Variants in KANK1 observed in about 807,000 individuals in gnomAD.
KANK1 encodes the protein KN motif and ankyrin repeat domain-containing protein 1.
Under a neutral mutation model 106.2 loss-of-function variants are expected in KANK1, and 109 were observed. The observed-to-expected ratio is 1.03, with a 90% CI of 0.88 to 1.20. The LOEUF (loss-of-function observed/expected upper bound fraction) is 1.20. Among genes scored for constraint, KANK1 ranks in the 50% most tolerant of loss-of-function variants. The pLI is 0.00. For missense variants in KANK1, 2,399 were observed against 1,710.7 expected (o/e 1.40, Z -7.10); for synonymous variants, 873 against 652.2 (o/e 1.34, Z -5.16).
intron 1 of KANK1, among the ~76,000 whole-genome samples, chr9:629,369 A>T (rs1010447966): frequency 6.6e-6 from 1 of 152,182 alleles, no homozygotes; most frequent in African/African-American, 2.4e-5. Flanking sequence ...CCACAGTGGC[A>T]GCTGCCTAAC....
At chr9:723,478 G>T (rs1342254840) in intron 3 of KANK1, among the ~76,000 whole-genome samples, 1 of 150,662 alleles carries the variant, frequency 6.6e-6, no homozygotes, top group Non-Finnish European at 1.5e-5. Context: ...TTTTCGTGGG[G>T]CATGATCACA....
At chr9:635,364 C>G (rs1331865590) in intron 1 of KANK1, among the ~76,000 whole-genome samples, 2 of 152,206 alleles carry the variant, frequency 1.3e-5, no homozygotes, top group African/African-American at 4.8e-5. Context: ...GGTCATATCT[C>G]TCTAGCTGGA....
At chr9:487,871 C>T (rs1220954318) in intron 3 of KANK1, 1 of 152,132 alleles carries the variant, frequency 6.6e-6, no homozygotes, top group African/African-American at 2.4e-5. Context: ...AGCCTGGTAC[C>T]CCTAAGAGTC....
chr9:742,731 C>T (rs1835996503), intron 10 of KANK1, among the ~76,000 whole-genome samples: 1 of 152,206 alleles, frequency 6.6e-6, no homozygotes, highest in Non-Finnish European at 1.5e-5. Flanking sequence ...GAATCAAATT[C>T]AGTGTAGGTG....
At position 512,344 on chromosome 9, in the gene KANK1, A is replaced by G. The variant is rs534324035; in HGVS notation, c.-84+7590A>G. On this transcript the variant is annotated intron_variant, in intron 1 of 11. Transcript: ENST00000382297. ...CCTAAATACTGCATTGTGGGCCAAC[A>G]GATGGAGACAAGGAGAGTCTAGAAG... Among the ~76,000 whole-genome samples the G allele has an allele frequency of 7.2e-5, 11 of 152,204 alleles. No individual in the cohort carries two copies. In the East Asian group the frequency reaches 1.9e-3, roughly 27 times the overall value.
rs372807672 is a variant in KANK1 at position 491,377 on chromosome 9, C to T, written c.-362+18104C>T. Among the ~76,000 whole-genome samples, 412 of 152,030 alleles carry T rather than the reference C, an allele frequency of 2.7e-3. 30 individuals are homozygous for T. The South Asian group carries it at 0.084, about 31-fold the overall frequency. On this transcript the variant is annotated intron_variant, in intron 3 of 15. Transcript: ENST00000382303. ...CCGCCTCCCGGGTTCAAGCAATTCT[C>T]CTGCCTCAGCCTCCTGAGTAGCTGG...
chr9:643,549 T>C (rs2137240393), intron 1 of KANK1, among the ~76,000 whole-genome samples: 1 of 144,084 alleles, frequency 6.9e-6, no homozygotes, highest in South Asian at 2.2e-4. Flanking sequence ...TTTGATTTTT[T>C]TTTTTTTTTT....
At chr9:543,630 A>G (rs1002405830) in intron 1 of KANK1, among the ~76,000 whole-genome samples, 9 of 151,994 alleles carry the variant, frequency 5.9e-5, no homozygotes, top group South Asian at 4.1e-4. Context: ...TTGTCCTTCT[A>G]CGGAAGTCAG....
chr9:567,680 C>CT (rs1184767568), intron 1 of KANK1, among the ~76,000 whole-genome samples: 1 of 152,352 alleles, frequency 6.6e-6, no homozygotes, highest in Non-Finnish European at 1.5e-5. Context: ...GAAACCAAGT[C>CT]ATCCATGAGA....
rs1335965834 is a variant in KANK1, at chr9:562,708, A to T, written c.-84+57954A>T. 3.9e-5 allele frequency among the ~76,000 whole-genome samples: 6 copies of T among 152,336 alleles called. No homozygotes were observed. The South Asian group carries it at 1.2e-3, about 32-fold the overall frequency. On this transcript the variant is annotated intron_variant, in intron 1 of 11. Coordinates refer to ENST00000382297, the MANE Select transcript of KANK1 (RefSeq NM_015158.5). Reference sequence around the variant, plus strand: ...CTTTCTAACCTGTAAAATGCTTTACAAATATTAGTTGTCAAGTTAGACAAC... The same window carrying T: ...CTTTCTAACCTGTAAAATGCTTTACTAATATTAGTTGTCAAGTTAGACAAC...
At chr9:577,986 C>T (rs756081010) in intron 1 of KANK1, among the ~76,000 whole-genome samples, 2 of 152,146 alleles carry the variant, frequency 1.3e-5, no homozygotes, top group Non-Finnish European at 2.9e-5. Context: ...ATCATTCCCT[C>T]ACTCAGAGCC....
At chr9:682,048 T>C (rs1169437587) in intron 2 of KANK1, among the ~76,000 whole-genome samples, 1 of 152,040 alleles carries the variant, frequency 6.6e-6, no homozygotes, top group Non-Finnish European at 1.5e-5. Flanking sequence ...GGGAGGCCGA[T>C]GCAGGTGGAT....
rs780294083 is a variant in KANK1, at chr9:740,971, C to T, written c.3696+37C>T. The T allele has an allele frequency of 1.7e-5, 27 of 1,610,182 alleles. No homozygotes were observed. The South Asian group carries it at 2.2e-4, about 13-fold the overall frequency. ...TGGTTCCTGTGCTCAGGAATGCACC[C>T]GTAACCAGCAGACAGGACTGCGGTG... On this transcript the variant is annotated intron_variant, in intron 9 of 11. Coordinates refer to ENST00000382297, the MANE Select transcript of KANK1 (RefSeq NM_015158.5).
chr9:614,678 C>CGT (rs1831380363), intron 1 of KANK1, among the ~76,000 whole-genome samples: 1 of 152,128 alleles, frequency 6.6e-6, no homozygotes, highest in South Asian at 2.1e-4. Flanking sequence ...CATGCATTTC[C>CGT]GTGTGCCTCC....
At chr9:562,373 A>G (rs1194310607) in intron 1 of KANK1, among the ~76,000 whole-genome samples, 1 of 152,142 alleles carries the variant, frequency 6.6e-6, no homozygotes, top group East Asian at 1.9e-4. Context: ...CATTTTCTAC[A>G]CCCTGCCAGA....
intron 2 of KANK1, among the ~76,000 whole-genome samples, chr9:702,881 T>A (rs1823034264): frequency 6.6e-6 from 1 of 152,214 alleles, no homozygotes; most frequent in Non-Finnish European, 1.5e-5. Context: ...TCTGGTCATT[T>A]ACCTTGTCTT....
At chr9:556,788 T>G (rs1162087874) in intron 1 of KANK1, among the ~76,000 whole-genome samples, 3 of 152,196 alleles carry the variant, frequency 2.0e-5, no homozygotes, top group African/African-American at 7.2e-5. Context: ...GACCTCCAAT[T>G]TAATTCTTTT....
intron 9 of KANK1, among the ~76,000 whole-genome samples, chr9:741,824 G>T (rs1461333491): frequency 6.6e-6 from 1 of 151,660 alleles, no homozygotes; most frequent in East Asian, 1.9e-4. Context: ...TTTCAGTGTT[G>T]CCCAAGCTGC....
intron 1 of KANK1, among the ~76,000 whole-genome samples, chr9:511,382 T>C (rs2059021537): frequency 6.6e-6 from 1 of 152,202 alleles, no homozygotes; most frequent in Admixed American, 6.5e-5. Context: ...TCTGTGGAAA[T>C]ATTGTAGGTG....
Sources: allele counts gnomAD v4.1 joint callset (sites outside exome capture counted in the v4.1 genomes callset), GRCh38; gene constraint gnomAD v4.1.1; transcripts MANE v1.5; gene names NCBI Gene and HGNC (gene_info 2026-07-23, HGNC 2026-07-21).